Variants in MED12L observed in about 807,000 individuals in gnomAD.
The protein encoded by MED12L is mediator complex subunit 12L, also known as mediator of RNA polymerase II transcription subunit 12-like protein.
In MED12L, 60 loss-of-function variants were observed where a neutral mutation model predicts 281.3. The ratio of observed to expected loss-of-function variants is 0.21; its 90% CI spans 0.17 to 0.26. The LOEUF is 0.26. Ranked by LOEUF, MED12L falls within the 10% of genes least tolerant of loss-of-function variation. MED12L has a pLI of 1.00. For synonymous variants in MED12L, 974 were observed against 987.2 expected (o/e 0.99, Z 0.25); for missense variants, 2,146 against 2,680.9 (o/e 0.80, Z 4.41).
intron 16 of MED12L, among the ~76,000 whole-genome samples, chr3:151,342,221 ACATCCTCTC>A (rs1432466808): frequency 6.6e-6 from 1 of 152,162 alleles, no homozygotes; most frequent in Admixed American, 6.6e-5. Context: ...CTATTTCTCC[ACATCCTCTC>A]CAACACCTGT....
chr3:151,236,048 C>T (rs754842544), intron 16 of MED12L, among the ~76,000 whole-genome samples: 3 of 152,112 alleles, frequency 2.0e-5, no homozygotes, highest in Non-Finnish European at 4.4e-5. Context: ...AACTTATTCT[C>T]CTCTCCCCCT....
At position 151,419,380 on chromosome 3, in the gene MED12L, G is replaced by A. The variant is rs191439188; in HGVS notation, c.6408+2958G>A. The stretch of plus-strand genomic sequence containing the variant: ...TTGGGAGTCCGGTGTTTGAGGGCAG[G>A]AAGCATCCAACACGGGAGAAAGATG... On this transcript the variant is annotated intron_variant, in intron 43 of 44. Coordinates refer to ENST00000687756, the MANE Select transcript of MED12L (RefSeq NM_001393769.1). 4.3e-3 allele frequency among the ~76,000 whole-genome samples: 655 copies of A among 152,306 alleles called. 2 individuals carry two copies. Among genetic ancestry groups the A allele is most frequent in the Non-Finnish European group, 7.4e-3 (500 of 68,026 alleles).
intron 16 of MED12L, among the ~76,000 whole-genome samples, chr3:151,195,808 G>C (rs1469367217): frequency 6.6e-6 from 1 of 152,130 alleles, no homozygotes. Context: ...TTACATTAGA[G>C]AAAACTGGCT....
At chr3:151,226,515 T>C (rs578214868) in intron 16 of MED12L, among the ~76,000 whole-genome samples, 22 of 152,206 alleles carry the variant, frequency 1.4e-4, no homozygotes, top group Non-Finnish European at 2.4e-4. Flanking sequence ...CCCCTGCTCC[T>C]GAAAGAATGT....
chr3:151,228,173 A>T (rs1414059119), intron 16 of MED12L, among the ~76,000 whole-genome samples: 1 of 152,206 alleles, frequency 6.6e-6, no homozygotes, highest in African/African-American at 2.4e-5. Context: ...CAGAGGACAG[A>T]CAGTGCAGCA....
At chr3:151,381,446 A>G (rs760574772) in intron 32 of MED12L, among the ~76,000 whole-genome samples, 2 of 152,172 alleles carry the variant, frequency 1.3e-5, no homozygotes, top group Non-Finnish European at 2.9e-5. Context: ...GTCTCCTACC[A>G]GTCATGGCCC....
At position 151,433,535 on chromosome 3, in the gene MED12L, T is replaced by C. The variant is rs1240659838; in HGVS notation, c.*731T>C. On this transcript the variant is annotated 3_prime_UTR_variant, in exon 45 of 45. Transcript: ENST00000687756. ...GAAGTAGCTGTACTCAAATTTGTTTTGAGGCAAGATCATTGATGAGAGTCA... is the reference window on the plus strand; with the variant it reads ...GAAGTAGCTGTACTCAAATTTGTTTCGAGGCAAGATCATTGATGAGAGTCA... 6.6e-6 allele frequency: 1 copy of C among 152,546 alleles called. No individual in the cohort carries two copies. Among genetic ancestry groups the C allele is most frequent in the Non-Finnish European group, 1.5e-5 (1 of 68,036 alleles). The allele number at this position is 152,546 out of a possible 1,614,324, so 9.4% of individuals were successfully genotyped here.
intron 5 of MED12L, among the ~76,000 whole-genome samples, chr3:151,148,339 A>AT (rs1718009095): frequency 6.6e-6 from 1 of 152,244 alleles, no homozygotes; most frequent in Admixed American, 6.5e-5. Context: ...TCAAAAAAGT[A>AT]TTTTAACAAC....
intron 18 of MED12L, 138 bp from the exon 19 acceptor site, chr3:151,355,758 C>G: frequency 1.6e-6 from 1 of 642,596 alleles, no homozygotes; most frequent in South Asian, 2.9e-5. Flanking sequence ...TTTATAGTTT[C>G]TATAGAAACA....
At chr3:151,151,282 A>G (rs998210502) in intron 5 of MED12L, among the ~76,000 whole-genome samples, 1 of 151,524 alleles carries the variant, frequency 6.6e-6, no homozygotes, top group Non-Finnish European at 1.5e-5. Context: ...CGTGATCCGC[A>G]TGCCTCTGCC....
chr3:151,365,133 A>C lies in MED12L; in HGVS notation c.3112A>C (p.Asn1038His). 2 of 1,614,078 alleles carry C rather than the reference A, an allele frequency of 1.2e-6. No homozygotes were observed. The highest frequency in any genetic ancestry group is 1.7e-6 in the Non-Finnish European group (2 of 1,179,954). ...AATGCTGGGCAAGATCCTCAGTGAC[A>C]ATGCGGCCAATCGCTACAGCTTTGT... ...YSMLGKILSD[N>H]AANRYSFVCN... Residue 1038 changes from asparagine to histidine, a missense_variant, in exon 22 of 45, where the codon AAT (asparagine) becomes CAT (histidine). Physicochemically the swap from Asn to His is moderately conservative, Grantham distance 68 (BLOSUM62 1). This residue lies in a region of MED12L where 404 missense variants were observed against 603.5 expected (regional missense o/e 0.67). Coordinates refer to ENST00000687756, the MANE Select transcript of MED12L (RefSeq NM_001393769.1).
At chr3:151,092,926 G>C (rs1271324828) in intron 2 of MED12L, among the ~76,000 whole-genome samples, 1 of 152,154 alleles carries the variant, frequency 6.6e-6, no homozygotes, top group Non-Finnish European at 1.5e-5. Flanking sequence ...AGGTCCTGCT[G>C]TTTTCAGCTT....
At chr3:151,299,694 T>C (rs977991804) in intron 16 of MED12L, among the ~76,000 whole-genome samples, 1 of 151,964 alleles carries the variant, frequency 6.6e-6, no homozygotes, top group Non-Finnish European at 1.5e-5. Flanking sequence ...CCCAGTAGAT[T>C]AGGTAGATGT....
At chr3:151,236,774 A>G (rs1225252031) in intron 16 of MED12L, among the ~76,000 whole-genome samples, 1 of 152,208 alleles carries the variant, frequency 6.6e-6, no homozygotes, top group Non-Finnish European at 1.5e-5. Context: ...TTGATTTCAT[A>G]TATATCGTAC....
intron 5 of MED12L, among the ~76,000 whole-genome samples, chr3:151,141,625 T>A (rs1717044991): frequency 6.6e-6 from 1 of 152,218 alleles, no homozygotes; most frequent in Non-Finnish European, 1.5e-5. Context: ...AAATATGAGC[T>A]ATGCCTTAAA....
At chr3:151,422,880 C>T (rs1577617228) in intron 43 of MED12L, among the ~76,000 whole-genome samples, 2 of 121,488 alleles carry the variant, frequency 1.6e-5, no homozygotes, top group Non-Finnish European at 1.7e-5. Context: ...AGTTAGAATT[C>T]AAGTTTTATT....
chr3:151,161,264 T>G (rs1206544215), intron 8 of MED12L, among the ~76,000 whole-genome samples: 1 of 143,636 alleles, frequency 7.0e-6, no homozygotes, highest in Non-Finnish European at 1.5e-5. Context: ...TGTTTGTCCT[T>G]TATTTAGAAC....
In MED12L at chr3:151,334,923, A is replaced by G. The variant is rs112848885; in HGVS notation, c.2251-15136A>G. Among the ~76,000 whole-genome samples the G allele has an allele frequency of 6.8e-3, 1,033 of 152,352 alleles. 10 individuals carry two copies. The highest frequency in any genetic ancestry group is 0.024 in the South Asian group (114 of 4,826). On this transcript the variant is annotated intron_variant, in intron 16 of 44. Coordinates refer to ENST00000687756, the MANE Select transcript of MED12L (RefSeq NM_001393769.1). ...AAGCAGCCATGGATAAAACCTGAATAGTTGTGTTCCAATAAAACCTTATTT... is the reference window on the plus strand; with the variant it reads ...AAGCAGCCATGGATAAAACCTGAATGGTTGTGTTCCAATAAAACCTTATTT...
In MED12L at chr3:151,281,253, A is replaced by G. The variant is rs922175494; in HGVS notation, c.2251-68806A>G. ...AATACAAAAAAAAAAAAAAAAAAAA[A>G]AAAAAAGTTAGCTGGGCATGGTGGA... On this transcript the variant is annotated intron_variant, in intron 16 of 44. Coordinates refer to ENST00000687756, the MANE Select transcript of MED12L (RefSeq NM_001393769.1). Among the ~76,000 whole-genome samples, 21 of 149,082 alleles carry G rather than the reference A, an allele frequency of 1.4e-4. No homozygotes were observed. In the East Asian group the frequency reaches 3.7e-3, roughly 26 times the overall value.
Sources: gnomAD v4.1 joint callset for allele counts (sites outside exome capture counted in the v4.1 genomes callset) on GRCh38, gnomAD v4.1.1 for gene constraint, gnomAD v4.1.1 regional missense constraint, MANE v1.5 for transcripts, NCBI Gene and HGNC (gene_info 2026-07-23, HGNC 2026-07-21) for gene names.